FNIP2: variants seen among roughly 807,000 people sequenced by gnomAD.
The protein encoded by FNIP2 is folliculin-interacting protein 2.
FNIP2 carries 32 observed loss-of-function variants against 108.7 expected under a neutral mutation model. The observed-to-expected ratio is 0.29, with a 90% CI of 0.22 to 0.40. The LOEUF (loss-of-function observed/expected upper bound fraction) is 0.40, where lower values mean the gene tolerates loss of function less well. Ranked by LOEUF, FNIP2 falls within the 10% of genes least tolerant of loss-of-function variation. The pLI is 1.00. For missense variants in FNIP2, 1,202 were observed against 1,381.6 expected (o/e 0.87, Z 2.06); for synonymous variants, 480 against 496.7 (o/e 0.97, Z 0.45).
chr4:158,815,577 G>T (rs1310031781), intron 1 of FNIP2, among the ~76,000 whole-genome samples: 2 of 151,984 alleles, frequency 1.3e-5, no homozygotes, highest in Non-Finnish European at 2.9e-5. Flanking sequence ...TGTTAGCCAG[G>T]ATGCTCTTGA....
intron 14 of FNIP2, chr4:158,872,571 G>A: frequency 1.0e-6 from 1 of 985,222 alleles, no homozygotes; most frequent in Non-Finnish European, 1.2e-6. Context: ...GTGTTAATAG[G>A]AAATTCCAAA....
chr4:158,780,950 G>A (rs902989240), intron 1 of FNIP2, among the ~76,000 whole-genome samples: 6 of 151,202 alleles, frequency 4.0e-5, no homozygotes, highest in Non-Finnish European at 5.9e-5. Flanking sequence ...CAGGAGAATC[G>A]CTCGAACCCC....
intron 14 of FNIP2, 49 bp downstream of exon 14, chr4:158,870,518 A>G: frequency 6.4e-7 from 1 of 1,560,292 alleles, no homozygotes; most frequent in Non-Finnish European, 8.7e-7. Context: ...TGTGTCAGTC[A>G]AGGTCTTGGC....
chr4:158,807,081 GA>G (rs1212225275), intron 1 of FNIP2, among the ~76,000 whole-genome samples: 2 of 152,080 alleles, frequency 1.3e-5, no homozygotes, highest in Non-Finnish European at 2.9e-5. Context: ...TATTTGTAAA[GA>G]ATTTTATTGC....
Position 158,851,448 on chromosome 4 carries a change from A to T in FNIP2, c.855A>T (p.Arg285Ser), listed in dbSNP as rs1379303403. 6 of 1,613,792 alleles carry T rather than the reference A, an allele frequency of 3.7e-6. No homozygotes were observed. The Admixed American group carries it at 1.0e-4, about 27-fold the overall frequency. ...GTTTGGAAAATGGCATCATCCCAAG[A>T]AGGTGAGTTGCAAGTTTCCTCTTGC... ...TTSLENGIIPRRSTDETFSLA... is the reference protein window; with the variant it reads ...TTSLENGIIPSRSTDETFSLA... Residue 285 changes from arginine (R) to serine (S), a missense_variant and splice_region_variant, in exon 8 of 17, where the codon AGA becomes AGT. This residue lies in a region of FNIP2 where 878 missense variants were observed against 990.3 expected (regional missense o/e 0.89). Transcript: ENST00000264433.
intron 1 of FNIP2, among the ~76,000 whole-genome samples, chr4:158,824,748 C>T (rs1277768844): frequency 4.6e-5 from 7 of 152,142 alleles, no homozygotes; most frequent in Admixed American, 4.6e-4. Flanking sequence ...TGGCCCCTGC[C>T]TGCCGTCCTT....
rs979873685 is a variant in FNIP2 at position 158,829,352 on chromosome 4, A to C, written c.381+127A>C. ...TATGAGGACAAGTATTCAACAGAGT[A>C]CTCTTAAATGTTTCACATCGATGTT... On this transcript the variant is annotated intron_variant, in intron 3 of 16. Transcript: ENST00000264433. 39 of 769,230 alleles carry C rather than the reference A, an allele frequency of 5.1e-5. No homozygotes were observed. The African/African-American group carries it at 6.0e-4, about 12-fold the overall frequency. The allele number at this position is 769,230 out of a possible 1,614,324, so 47.7% of individuals were successfully genotyped here.
chr4:158,790,079 ATATACAAT>A (rs1301806520), intron 1 of FNIP2, among the ~76,000 whole-genome samples: 1 of 151,970 alleles, frequency 6.6e-6, no homozygotes, highest in African/African-American at 2.4e-5. Flanking sequence ...TAAAAATATT[ATATACAAT>A]TACTTTCCGG....
At chr4:158,819,029 C>A (rs1226868369) in intron 1 of FNIP2, among the ~76,000 whole-genome samples, 1 of 152,302 alleles carries the variant, frequency 6.6e-6, no homozygotes, top group Non-Finnish European at 1.5e-5. Context: ...TCCCTATAGA[C>A]ATTTATCTTG....
intron 6 of FNIP2, chr4:158,834,321 T>TCTCTCTCTCTCTCTCTCTCTCC (rs1560787938): frequency 6.7e-6 from 1 of 150,322 alleles, no homozygotes; most frequent in Non-Finnish European, 1.5e-5. Flanking sequence ...TCTCTCTCTC[T>TCTCTCTCTCTCTCTCTCTCTCC]CTCTCTCTCC....
At chr4:158,858,975 G>T (rs1780138532) in intron 8 of FNIP2, 82 bp from the exon 9 acceptor site, 1 of 1,092,952 alleles carries the variant, frequency 9.1e-7, no homozygotes, top group Non-Finnish European at 1.4e-6. Context: ...AATGTTCTGG[G>T]TGTCATCCCC....
rs185403526 is a variant in FNIP2, at chr4:158,869,240, G to T, written c.2604G>T (p.Ala868=). ...VQRGPGLVAG[A]NIPCGDDNKK... is the part of the protein sequence containing the mutation. Reference sequence around the variant, plus strand: ...GGGGCCCTGGCCTCGTGGCTGGTGCGAATATCCCCTGTGGGGATGACAACA... The same window carrying T: ...GGGGCCCTGGCCTCGTGGCTGGTGCTAATATCCCCTGTGGGGATGACAACA... The change falls in exon 13 of 17, where the codon GCG becomes GCT. Residue 868 remains alanine (A), a synonymous_variant. Transcript: ENST00000264433. 3 of 1,614,024 alleles carry T rather than the reference G, an allele frequency of 1.9e-6. No homozygotes were observed. The highest frequency in any genetic ancestry group is 1.1e-5 in the South Asian group (1 of 91,076).
chr4:158,853,933 T>C (rs1779840903), intron 8 of FNIP2, among the ~76,000 whole-genome samples: 1 of 152,232 alleles, frequency 6.6e-6, no homozygotes, highest in African/African-American at 2.4e-5. Flanking sequence ...ATGCATTCTA[T>C]CACTGTGTCC....
Position 158,809,717 on chromosome 4 carries a change from A to G in FNIP2, c.108-16199A>G, listed in dbSNP as rs980426211. Among the ~76,000 whole-genome samples, 4 of 152,346 alleles carry G rather than the reference A, an allele frequency of 2.6e-5. No homozygotes were observed. The South Asian group carries it at 8.3e-4, about 32-fold the overall frequency. On this transcript the variant is annotated intron_variant, in intron 1 of 16. Transcript: ENST00000264433. ...AGAAAACTTGCCATGTCTTTAAAGT[A>G]TACCCCTTACACACTGAAAAGGAAC...
At chr4:158,831,094 A>T (rs1240097271) in intron 3 of FNIP2, among the ~76,000 whole-genome samples, 1 of 152,220 alleles carries the variant, frequency 6.6e-6, no homozygotes, top group African/African-American at 2.4e-5. Flanking sequence ...AGAGAGTCAA[A>T]ATGGAGAGTC....
At chr4:158,877,814 C>T (rs1781366226) in intron 14 of FNIP2, among the ~76,000 whole-genome samples, 1 of 152,114 alleles carries the variant, frequency 6.6e-6, no homozygotes, top group South Asian at 2.1e-4. Flanking sequence ...TGGCTGTGTG[C>T]CCAGGGTCCC....
intron 8 of FNIP2, among the ~76,000 whole-genome samples, chr4:158,854,020 CAG>C (rs1327936772): frequency 2.0e-5 from 3 of 152,110 alleles, no homozygotes; most frequent in Non-Finnish European, 2.9e-5. Context: ...CATATGAAAA[CAG>C]TGTATTTTTT....
chr4:158,842,184 A>G (rs557037963), intron 7 of FNIP2, among the ~76,000 whole-genome samples: 1 of 152,264 alleles, frequency 6.6e-6, no homozygotes, highest in Admixed American at 6.5e-5. Flanking sequence ...CTTTTGCCTT[A>G]GCTTTTTCCT....
At chr4:158,838,778 A>G (rs1778955580) in intron 7 of FNIP2, among the ~76,000 whole-genome samples, 1 of 152,090 alleles carries the variant, frequency 6.6e-6, no homozygotes, top group Admixed American at 6.6e-5. Context: ...TTAGTTTTTC[A>G]TCTAATAGCC....
Sources: allele counts gnomAD v4.1 joint callset (sites outside exome capture counted in the v4.1 genomes callset), GRCh38; gene constraint gnomAD v4.1.1; regional missense constraint gnomAD v4.1.1; transcripts MANE v1.5; gene names NCBI Gene and HGNC (gene_info 2026-07-23, HGNC 2026-07-21).